The following EHBP1 variants were observed in gnomAD, a reference collection of about 807,000 sequenced individuals.
EHBP1 encodes the protein EH domain binding protein 1.
A neutral mutation model predicts 144.0 loss-of-function variants in EHBP1; 55 were observed. The ratio of observed to expected loss-of-function variants is 0.38; its 90% CI spans 0.31 to 0.48. The LOEUF (loss-of-function observed/expected upper bound fraction) is 0.48, where lower values mean the gene tolerates loss of function less well. Among genes scored for constraint, EHBP1 ranks in the 20% least tolerant of loss-of-function variants. The probability of loss-of-function intolerance (pLI) is 0.98; values close to 1 mark genes in which losing one functional copy is unlikely to be tolerated. For synonymous variants in EHBP1, 469 were observed against 472.7 expected (o/e 0.99, Z 0.10); for missense variants, 1,200 against 1,364.2 (o/e 0.88, Z 1.90).
chr2:63,037,026 AG>A (rs1456134955), intron 19 of EHBP1, among the ~76,000 whole-genome samples: 1 of 151,834 alleles, frequency 6.6e-6, no homozygotes, highest in East Asian at 1.9e-4. Flanking sequence ...CTACCCTATT[AG>A]GGATGATGAG....
At chr2:62,860,797 AG>A (rs2049462375) in intron 8 of EHBP1, among the ~76,000 whole-genome samples, 1 of 152,186 alleles carries the variant, frequency 6.6e-6, no homozygotes. Context: ...GAGGTATAAA[AG>A]AGAGTGGCAG....
intron 10 of EHBP1, among the ~76,000 whole-genome samples, chr2:62,893,527 A>G (rs2052625827): frequency 1.3e-5 from 2 of 152,242 alleles, no homozygotes; most frequent in African/African-American, 2.4e-5. Flanking sequence ...TCTTACTAAA[A>G]TAAGATTACT....
intron 2 of EHBP1, among the ~76,000 whole-genome samples, chr2:62,730,672 CAAAG>C (rs970381653): frequency 6.8e-6 from 1 of 146,988 alleles, no homozygotes; most frequent in African/African-American, 2.5e-5. Context: ...CAAAGATACA[CAAAG>C]AGAGAAGGAC....
At chr2:62,877,097 G>A (rs1222192320) in intron 10 of EHBP1, among the ~76,000 whole-genome samples, 1 of 152,156 alleles carries the variant, frequency 6.6e-6, no homozygotes, top group African/African-American at 2.4e-5. Context: ...ACTGTATGCT[G>A]TCTTCAAGAG....
intron 7 of EHBP1, among the ~76,000 whole-genome samples, chr2:62,843,984 A>T (rs1412658436): frequency 6.6e-6 from 1 of 152,192 alleles, no homozygotes; most frequent in Non-Finnish European, 1.5e-5. Context: ...CCTGTTAATT[A>T]TATCTTAATA....
upstream of EHBP1, among the ~76,000 whole-genome samples, chr2:62,703,302 G>A (rs1423790117): frequency 6.6e-6 from 1 of 151,874 alleles, no homozygotes; most frequent in Non-Finnish European, 1.5e-5. Context: ...GGGAGGGTGA[G>A]GCTGCACTCC....
intron 5 of EHBP1, among the ~76,000 whole-genome samples, chr2:62,821,695 GCAACAACAT>G (rs2045994248): frequency 1.3e-5 from 2 of 151,996 alleles, no homozygotes; most frequent in South Asian, 4.2e-4. Flanking sequence ...AGCAACAACA[GCAACAACAT>G]CAAAAGAATA....
Position 62,693,024 on chromosome 2 carries a change from C to T in EHBP1, c.-295-13873C>T, listed in dbSNP as rs148444624. Among the ~76,000 whole-genome samples the T allele has an allele frequency of 2.6e-5, 4 of 152,154 alleles. No individual in the cohort carries two copies. The East Asian group carries it at 5.8e-4, about 22-fold the overall frequency. On this transcript the variant is annotated intron_variant, in intron 1 of 22. Transcript: ENST00000405015. ...GACCCCTACCCCTTTCCCCTACTAC[C>T]CTTCCCAGCCTCTGGTAACCATCCT...
intron 19 of EHBP1, among the ~76,000 whole-genome samples, chr2:63,000,774 T>G (rs927607430): frequency 6.6e-6 from 1 of 152,112 alleles, no homozygotes. Flanking sequence ...GTCTATAAAA[T>G]CCCTATGCAA....
chr2:63,008,497 A>G (rs1335252203), intron 19 of EHBP1, among the ~76,000 whole-genome samples: 6 of 150,512 alleles, frequency 4.0e-5, no homozygotes, highest in Admixed American at 4.0e-4. Flanking sequence ...TCTGTTTTTT[A>G]TTTTTCTATT....
intron 9 of EHBP1, among the ~76,000 whole-genome samples, chr2:62,871,837 C>T (rs1359769934): frequency 1.3e-5 from 2 of 152,190 alleles, no homozygotes; most frequent in East Asian, 3.8e-4. Context: ...CACTTAGCAA[C>T]TGCATGGGTT....
At chr2:62,799,003 C>CAAA (rs757731955) in intron 5 of EHBP1, among the ~76,000 whole-genome samples, 177 of 76,328 alleles carry the variant, frequency 2.3e-3, no homozygotes, top group East Asian at 3.2e-3. Context: ...GACTCCGTCT[C>CAAA]AAAAAAAAAA....
chr2:62,992,987 A>G (rs2059474072), intron 16 of EHBP1, among the ~76,000 whole-genome samples: 1 of 152,200 alleles, frequency 6.6e-6, no homozygotes, highest in Non-Finnish European at 1.5e-5. Context: ...TCTTGTTGAT[A>G]GAACCATTTG....
chr2:62,989,760 T>C (rs2059341049), intron 15 of EHBP1, among the ~76,000 whole-genome samples: 1 of 152,166 alleles, frequency 6.6e-6, no homozygotes, highest in Non-Finnish European at 1.5e-5. Flanking sequence ...GAATATATTA[T>C]GATTTTTATC....
At chr2:62,791,155 TTCAC>T (rs1558675928) in intron 5 of EHBP1, among the ~76,000 whole-genome samples, 2 of 152,068 alleles carry the variant, frequency 1.3e-5, no homozygotes, top group Non-Finnish European at 2.9e-5. Flanking sequence ...ATTCATTTTC[TTCAC>T]TCCCAGACTG....
rs978786599 is a variant in EHBP1 at position 62,908,132 on chromosome 2, A to G, written c.1185+33600A>G. Among the ~76,000 whole-genome samples the G allele has an allele frequency of 2.2e-4, 34 of 152,158 alleles. 1 individual carries two copies. The highest frequency in any genetic ancestry group is 2.0e-3 in the Admixed American group (30 of 15,266). ...TTTCAGCTACTAGTTAAATTTCTAT[A>G]ATAGCGGTATTTAGGTAATTTTTGT... On this transcript the variant is annotated intron_variant, in intron 10 of 22. Coordinates refer to ENST00000431489, the MANE Select transcript of EHBP1 (RefSeq NM_001142616.3).
At chr2:62,753,095 A>T (rs1250001060) in intron 3 of EHBP1, among the ~76,000 whole-genome samples, 1 of 152,120 alleles carries the variant, frequency 6.6e-6, no homozygotes, top group African/African-American at 2.4e-5. Flanking sequence ...TCTTCCTAGC[A>T]TCGATGGTCT....
chr2:62,730,624 T>G (rs1573004609), intron 2 of EHBP1, among the ~76,000 whole-genome samples: 2 of 149,668 alleles, frequency 1.3e-5, no homozygotes, highest in East Asian at 2.0e-4. Context: ...TCTTTTTTTT[T>G]AGAGAGAGAG....
intron 5 of EHBP1, among the ~76,000 whole-genome samples, chr2:62,806,686 A>G (rs1031503169): frequency 6.6e-6 from 1 of 151,308 alleles, no homozygotes; most frequent in Non-Finnish European, 1.5e-5. Flanking sequence ...CTATGATTCC[A>G]CTTTCTTTCT....
Sources: allele counts gnomAD v4.1 joint callset (sites outside exome capture counted in the v4.1 genomes callset), GRCh38; gene constraint gnomAD v4.1.1; transcripts MANE v1.5; gene names NCBI Gene and HGNC (gene_info 2026-07-23, HGNC 2026-07-21).